Variants in PIK3CB observed in about 807,000 individuals in gnomAD.
The protein encoded by PIK3CB is phosphatidylinositol-4,5-bisphosphate 3-kinase catalytic subunit beta.
PIK3CB carries 39 observed loss-of-function variants against 136.8 expected under a neutral mutation model. That is an observed-to-expected ratio of 0.29 (90% confidence interval 0.22 to 0.37). PIK3CB has a LOEUF of 0.37. Ranked by LOEUF, PIK3CB falls within the 10% of genes least tolerant of loss-of-function variation. The pLI, the probability that PIK3CB is intolerant of heterozygous loss-of-function variation, is 1.00. For missense variants in PIK3CB, 868 were observed against 1,275.4 expected (o/e 0.68, Z 4.87); for synonymous variants, 428 against 436.6 (o/e 0.98, Z 0.25).
intron 11 of PIK3CB, among the ~76,000 whole-genome samples, chr3:138,706,396 T>C (rs563435404): frequency 4.6e-5 from 7 of 152,212 alleles, no homozygotes; most frequent in Non-Finnish European, 7.3e-5. Context: ...TATTTAGAAA[T>C]GAAGTCCTTA....
At position 138,820,205 on chromosome 3, in the gene PIK3CB, T is replaced by C. The variant is rs1217991257; in HGVS notation, c.-122+14490A>G. Among the ~76,000 whole-genome samples the C allele has an allele frequency of 2.0e-5, 3 of 152,124 alleles. No individual in the cohort carries two copies. The East Asian group carries it at 5.8e-4, about 29-fold the overall frequency. On this transcript the variant is annotated intron_variant, in intron 1 of 23. Coordinates refer to ENST00000674063, the MANE Select transcript of PIK3CB (RefSeq NM_006219.3). ...TAAATGCTAATATATCCCCCAATAA[T>C]TGTACAAGCTAAAATCGTCCCCTGC...
At position 138,688,895 on chromosome 3, in the gene PIK3CB, T is replaced by C. The variant is rs374518940; in HGVS notation, c.2116A>G (p.Met706Val). The stretch of plus-strand genomic sequence containing the variant: ...GATACCTGCTTAGAAAGCACTTTCA[T>C]GTGCCCCACACTTCCCCGGCAGTAT... ...EAYCRGSVGHMKVLSKQVEAL... is the reference protein window; with the variant it reads ...EAYCRGSVGHVKVLSKQVEAL... The change falls in exon 16 of 24, where the codon ATG becomes GTG. Residue 706 changes from methionine (M) to valine (V), a missense_variant. By Grantham distance (21) the Met-to-Val change is conservative (BLOSUM62 1). Coordinates refer to ENST00000674063, the MANE Select transcript of PIK3CB (RefSeq NM_006219.3). 3 of 1,612,576 alleles carry C rather than the reference T, an allele frequency of 1.9e-6. No individual in the cohort carries two copies. Among genetic ancestry groups the C allele is most frequent in the Non-Finnish European group, 2.5e-6 (3 of 1,178,638 alleles).
intron 3 of PIK3CB, among the ~76,000 whole-genome samples, chr3:138,756,422 AT>A (rs1301843722): frequency 6.6e-6 from 1 of 152,146 alleles, no homozygotes; most frequent in African/African-American, 2.4e-5. Flanking sequence ...ATCAGGAGTA[AT>A]CAAAAAAAAA....
intron 6 of PIK3CB, among the ~76,000 whole-genome samples, chr3:138,737,424 C>CAAAAAAAAAAAAAAAAAAAAAAAAA (rs2045134496): frequency 1.1e-5 from 1 of 88,838 alleles, no homozygotes; most frequent in Non-Finnish European, 2.3e-5. Flanking sequence ...AAAAAAAAAG[C>CAAAAAAAAAAAAAAAAAAAAAAAAA]AAAGCAGAAT....
chr3:138,769,119 ATTTG>A (rs1480965709), intron 2 of PIK3CB, among the ~76,000 whole-genome samples: 2 of 151,978 alleles, frequency 1.3e-5, no homozygotes, highest in Non-Finnish European at 2.9e-5. Flanking sequence ...ATGTGGCCCC[ATTTG>A]TTCCCCAGCT....
At chr3:138,782,149 T>C (rs2045930243) in intron 2 of PIK3CB, among the ~76,000 whole-genome samples, 1 of 152,228 alleles carries the variant, frequency 6.6e-6, no homozygotes, top group African/African-American at 2.4e-5. Flanking sequence ...ACTAGTATCA[T>C]ACCAATACAT....
At chr3:138,656,041 T>C (rs2043185977) in intron 23 of PIK3CB, 101 bp downstream of exon 23, 10 of 1,202,588 alleles carry the variant, frequency 8.3e-6, no homozygotes, top group Non-Finnish European at 1.2e-5. Flanking sequence ...TTAGAGGAAA[T>C]GACTTTGTTC....
chr3:138,734,261 A>G (rs1270140243), intron 7 of PIK3CB, among the ~76,000 whole-genome samples: 1 of 152,222 alleles, frequency 6.6e-6, no homozygotes, highest in Non-Finnish European at 1.5e-5. Context: ...AAATACTACC[A>G]TAGTTAAGCT....
intron 10 of PIK3CB, chr3:138,707,626 A>G (rs1356531730): frequency 3.5e-6 from 3 of 849,482 alleles, no homozygotes; most frequent in Non-Finnish European, 4.4e-6. Flanking sequence ...CTATAATCTC[A>G]TCACTACATA....
intron 8 of PIK3CB, among the ~76,000 whole-genome samples, chr3:138,728,394 A>G (rs2044887858): frequency 2.0e-5 from 3 of 152,188 alleles, no homozygotes; most frequent in Non-Finnish European, 4.4e-5. Context: ...CAAAATATTA[A>G]TAAGTCAAAT....
At chr3:138,686,465 T>C (rs2043895225) in intron 16 of PIK3CB, among the ~76,000 whole-genome samples, 1 of 151,828 alleles carries the variant, frequency 6.6e-6, no homozygotes, top group Non-Finnish European at 1.5e-5. Context: ...AAATAAATAA[T>C]AACAACAAAT....
intron 11 of PIK3CB, among the ~76,000 whole-genome samples, chr3:138,705,177 A>G (rs553775557): frequency 2.3e-5 from 2 of 87,646 alleles, no homozygotes; most frequent in African/African-American, 1.1e-4. Flanking sequence ...AAAAAAACAA[A>G]AAACAAAACA....
chr3:138,718,375 T>C (rs560269588), intron 8 of PIK3CB, among the ~76,000 whole-genome samples: 141 of 152,316 alleles, frequency 9.3e-4, no homozygotes, highest in African/African-American at 3.3e-3. Context: ...TAATGTTTTT[T>C]TTCTTATAAA....
chr3:138,677,868 C>T (rs2043682052), intron 19 of PIK3CB, among the ~76,000 whole-genome samples: 1 of 152,074 alleles, frequency 6.6e-6, no homozygotes, highest in Admixed American at 6.6e-5. Flanking sequence ...GCACTCTGGC[C>T]TGGGCAACAA....
At chr3:138,825,530 G>A in intron 1 of PIK3CB, 1 of 666,170 alleles carries the variant, frequency 1.5e-6, no homozygotes, top group East Asian at 2.5e-5. Flanking sequence ...ACTTCTGGTG[G>A]GAACAGTGAC....
rs569654186 is a variant in PIK3CB, at chr3:138,697,694, A to G, written c.1770+1213T>C. 4.6e-5 allele frequency among the ~76,000 whole-genome samples: 7 copies of G among 152,008 alleles called. No homozygotes were observed. In the South Asian group the frequency reaches 1.5e-3, roughly 32 times the overall value. On this transcript the variant is annotated intron_variant, in intron 13 of 23. Coordinates refer to ENST00000674063, the MANE Select transcript of PIK3CB (RefSeq NM_006219.3). ...CTCAACCTCCTGATCTGCCCACCTC[A>G]GCCTCCCAAAGTGCTGGGATTACAG...
chr3:138,654,366 T>C lies in PIK3CB; in HGVS notation c.*1023A>G. ...CCGTGTGGCGTGAAACCATTTCAAT[T>C]TGAACTAATATCCTTGAAAAAAATC... On this transcript the variant is annotated 3_prime_UTR_variant, in exon 24 of 24. Coordinates refer to ENST00000674063, the MANE Select transcript of PIK3CB (RefSeq NM_006219.3). 4.5e-6 allele frequency: 1 copy of C among 223,774 alleles called. No homozygotes were observed. The highest frequency in any genetic ancestry group is 8.9e-6 in the Non-Finnish European group (1 of 112,180). The allele number at this position is 223,774 out of a possible 1,614,324, so 13.9% of individuals were successfully genotyped here.
chr3:138,822,197 G>C (rs1477732773), intron 1 of PIK3CB, among the ~76,000 whole-genome samples: 2 of 151,870 alleles, frequency 1.3e-5, no homozygotes, highest in African/African-American at 4.8e-5. Flanking sequence ...AAAATTTAAG[G>C]GGAATGATAA....
chr3:138,684,675 G>T lies in PIK3CB; in HGVS notation c.2265C>A (p.Leu755=). 6.2e-7 allele frequency: 1 copy of T among 1,614,018 alleles called. No individual in the cohort carries two copies. Among genetic ancestry groups the T allele is most frequent in the Non-Finnish European group, 8.5e-7 (1 of 1,179,922 alleles). Reference sequence around the variant, plus strand: ...GGTTCAGGGGTGACTGCAGGTCAGAGAGGGCTTCCCGGTAAGCACTCTGTT... The same window carrying T: ...GGTTCAGGGGTGACTGCAGGTCAGATAGGGCTTCCCGGTAAGCACTCTGTT... The part of the protein sequence containing the change: ...CLKQSAYREA[L]SDLQSPLNPC... The change falls in exon 17 of 24, where the codon CTC becomes CTA. Residue 755 remains leucine (L), a synonymous_variant. Coordinates refer to ENST00000674063, the MANE Select transcript of PIK3CB (RefSeq NM_006219.3).
Sources: gnomAD v4.1 joint callset for allele counts (sites outside exome capture counted in the v4.1 genomes callset) on GRCh38, gnomAD v4.1.1 for gene constraint, MANE v1.5 for transcripts, NCBI Gene and HGNC (gene_info 2026-07-23, HGNC 2026-07-21) for gene names.